Variants in CYSTM1 observed in about 807,000 individuals in gnomAD.
CYSTM1 encodes the protein cysteine rich transmembrane module containing 1, also known as cysteine-rich transmembrane module-containing protein 1.
A neutral mutation model predicts 13.1 loss-of-function variants in CYSTM1; 4 were observed. That is an observed-to-expected ratio of 0.31 (90% CI 0.15 to 0.70). The LOEUF (loss-of-function observed/expected upper bound fraction) is 0.70. Ranked by LOEUF, CYSTM1 falls within the 30% of genes least tolerant of loss-of-function variation. CYSTM1 has a pLI of 0.72. For synonymous variants in CYSTM1, 36 were observed against 42.7 expected (o/e 0.84, Z 0.62); for missense variants, 96 against 121.6 (o/e 0.79, Z 0.99).
intron 2 of CYSTM1, among the ~76,000 whole-genome samples, chr5:140,226,572 T>TA (rs1764557213): frequency 7.2e-5 from 7 of 97,424 alleles, no homozygotes; most frequent in African/African-American, 2.7e-4. Context: ...TAAATATATA[T>TA]TATATACTAA....
chr5:140,184,596 T>A (rs1053452321), intron 1 of CYSTM1, among the ~76,000 whole-genome samples: 1 of 152,190 alleles, frequency 6.6e-6, no homozygotes, highest in Non-Finnish European at 1.5e-5. Flanking sequence ...TAGGGAGGAA[T>A]GGGACACCAA....
chr5:140,199,754 T>C (rs380686), intron 2 of CYSTM1, among the ~76,000 whole-genome samples: 115,924 of 152,166 alleles, frequency 0.76, 44,490 homozygotes, highest in African/African-American at 0.82. Context: ...CCCAAAGTGC[T>C]GGGATTACAT....
At chr5:140,200,471 TTGG>T (rs1290556575) in intron 2 of CYSTM1, 1 of 152,020 alleles carries the variant, frequency 6.6e-6, no homozygotes, top group Non-Finnish European at 1.5e-5. Context: ...TTCTGTTCCA[TTGG>T]TCTATATACA....
intron 1 of CYSTM1, among the ~76,000 whole-genome samples, chr5:140,179,113 T>C (rs1008752817): frequency 2.7e-5 from 4 of 150,652 alleles, no homozygotes; most frequent in Non-Finnish European, 4.4e-5. Flanking sequence ...TTTTAAAAAT[T>C]AGCTGGGCAT....
intron 1 of CYSTM1, among the ~76,000 whole-genome samples, chr5:140,176,710 A>G (rs1423434784): frequency 1.3e-5 from 2 of 152,158 alleles, no homozygotes; most frequent in Non-Finnish European, 2.9e-5. Context: ...CAGCATCCAA[A>G]CATTCATGTG....
rs1261341069 is a variant in CYSTM1 at position 140,226,868 on chromosome 5, G to T, written c.188-16437G>T. On this transcript the variant is annotated intron_variant, in intron 2 of 2. Transcript: ENST00000261811. ...GAGAGAAGGCCAAGGGGTGGGGTGG[G>T]CACTACCAAGGGTCAGCTGAGTAGA... Among the ~76,000 whole-genome samples, 7 of 151,990 alleles carry T rather than the reference G, an allele frequency of 4.6e-5. No individual in the cohort carries two copies. The East Asian group carries it at 1.4e-3, about 29-fold the overall frequency.
At chr5:140,216,694 C>T (rs1764431545) in intron 2 of CYSTM1, among the ~76,000 whole-genome samples, 1 of 152,186 alleles carries the variant, frequency 6.6e-6, no homozygotes, top group Non-Finnish European at 1.5e-5. Context: ...CTTTTGGTCT[C>T]GAGAGGCTAA....
chr5:140,187,025 C>T (rs1024284110), intron 1 of CYSTM1, among the ~76,000 whole-genome samples: 7 of 152,092 alleles, frequency 4.6e-5, no homozygotes, highest in Admixed American at 1.3e-4. Flanking sequence ...GCCCTGGAGG[C>T]TGAGGCAGGA....
intron 2 of CYSTM1, among the ~76,000 whole-genome samples, chr5:140,238,203 G>C (rs1581075032): frequency 6.6e-6 from 1 of 152,132 alleles, no homozygotes; most frequent in South Asian, 2.1e-4. Context: ...AGAGAGGCTC[G>C]GGAGGCCCAG....
At chr5:140,222,559 A>G (rs1471993555) in intron 2 of CYSTM1, among the ~76,000 whole-genome samples, 3 of 152,378 alleles carry the variant, frequency 2.0e-5, no homozygotes, top group African/African-American at 7.2e-5. Flanking sequence ...AAACTACTGC[A>G]TAACTAAAAA....
At chr5:140,205,635 G>A (rs1374514758) in intron 2 of CYSTM1, among the ~76,000 whole-genome samples, 2 of 152,030 alleles carry the variant, frequency 1.3e-5, no homozygotes, top group Non-Finnish European at 2.9e-5. Flanking sequence ...TGTAGAGCTG[G>A]GATTACGGGA....
intron 2 of CYSTM1, among the ~76,000 whole-genome samples, chr5:140,218,433 C>T (rs542007792): frequency 3.3e-5 from 5 of 152,236 alleles, no homozygotes; most frequent in Middle Eastern, 3.4e-3. Context: ...ACAGAATACC[C>T]GCTGTATACT....
At chr5:140,177,401 T>C (rs981669390) in intron 1 of CYSTM1, among the ~76,000 whole-genome samples, 5 of 152,176 alleles carry the variant, frequency 3.3e-5, no homozygotes, top group Non-Finnish European at 7.4e-5. Context: ...AAGAGCTGTC[T>C]ATTTTATATT....
rs754879605 is a variant in CYSTM1, at chr5:140,243,405, C to G, written c.288C>G (p.Leu96=). Reference sequence around the variant, plus strand: ...GTTGCTGCTGTCTCTGGGACATGCTCACCTGACCAGACCAGCCCAGCCGTC... The same window carrying G: ...GTTGCTGCTGTCTCTGGGACATGCTGACCTGACCAGACCAGCCCAGCCGTC... ...ALCCCCLWDM[L]T is the part of the protein sequence containing the mutation. The change falls in exon 3 of 3, where the codon CTC becomes CTG. Residue 96 remains leucine, a synonymous_variant. Transcript: ENST00000261811. 6.2e-7 allele frequency: 1 copy of G among 1,613,812 alleles called. No homozygotes were observed. Among genetic ancestry groups the G allele is most frequent in the Non-Finnish European group, 8.5e-7 (1 of 1,179,966 alleles).
chr5:140,242,869 C>CT (rs1191839441), intron 2 of CYSTM1, among the ~76,000 whole-genome samples: 3 of 152,184 alleles, frequency 2.0e-5, no homozygotes, highest in Non-Finnish European at 4.4e-5. Flanking sequence ...CTTGATTATT[C>CT]TTTAAGGGTT....
At chr5:140,218,387 T>A (rs536426017) in intron 2 of CYSTM1, among the ~76,000 whole-genome samples, 1 of 152,208 alleles carries the variant, frequency 6.6e-6, no homozygotes, top group Non-Finnish European at 1.5e-5. Flanking sequence ...GTCCTTCAGG[T>A]CTCTGTCTTG....
chr5:140,188,111 T>G (rs10037298), intron 1 of CYSTM1, among the ~76,000 whole-genome samples: 34,052 of 149,886 alleles, frequency 0.23, 3,922 homozygotes, highest in African/African-American at 0.24. Flanking sequence ...TTTCTTGTTC[T>G]GTTGCCCAGA....
chr5:140,180,005 C>CT (rs1051162763), intron 1 of CYSTM1, among the ~76,000 whole-genome samples: 6 of 152,002 alleles, frequency 3.9e-5, no homozygotes, highest in African/African-American at 1.4e-4. Flanking sequence ...CTGGTCTTGG[C>CT]TTTTTTTGGA....
chr5:140,177,079 A>AAAAAAAAAAAAC (rs1763900139), intron 1 of CYSTM1, among the ~76,000 whole-genome samples: 2 of 119,712 alleles, frequency 1.7e-5, no homozygotes, highest in Non-Finnish European at 3.8e-5. Context: ...AAAAAAAAAA[A>AAAAAAAAAAAAC]AAAAAAAATC....
Sources: gnomAD v4.1 joint callset for allele counts (sites outside exome capture counted in the v4.1 genomes callset) on GRCh38, gnomAD v4.1.1 for gene constraint, MANE v1.5 for transcripts, NCBI Gene and HGNC (gene_info 2026-07-23, HGNC 2026-07-21) for gene names.